The following PACRGL variants were observed in gnomAD, a reference collection of about 807,000 sequenced individuals.
PACRGL encodes parkin coregulated like.
PACRGL carries 38 observed loss-of-function variants against 34.5 expected under a neutral mutation model. The ratio of observed to expected loss-of-function variants is 1.10; its 90% CI spans 0.85 to 1.44. The LOEUF (loss-of-function observed/expected upper bound fraction) is 1.44, where lower values mean the gene tolerates loss of function less well. Among genes scored for constraint, PACRGL ranks in the 40% most tolerant of loss-of-function variants. The probability of loss-of-function intolerance (pLI) is 0.00; values close to 1 mark genes in which losing one functional copy is unlikely to be tolerated. For missense variants in PACRGL, 305 were observed against 281.4 expected, an observed-to-expected ratio of 1.08 and a Z score of -0.60; for synonymous variants, 128 against 100.1, an observed-to-expected ratio of 1.28 and a Z score of -1.66.
the PACRGL span, among the ~76,000 whole-genome samples, chr4:20,758,500 A>T: frequency 1.6e-4 from 24 of 152,266 alleles, no homozygotes; most frequent in Admixed American, 2.6e-4. Flanking sequence ...ATCAAGTGAG[A>T]CCTACAATGC....
chr4:20,748,390 T>A, intron 8 of PACRGL, among the ~76,000 whole-genome samples: 1 of 151,868 alleles, frequency 6.6e-6, no homozygotes, highest in Non-Finnish European at 1.5e-5. Context: ...AGACAGTCCA[T>A]CAGTTGCACT....
At chr4:20,709,345 T>A (rs1256102227) in intron 4 of PACRGL, among the ~76,000 whole-genome samples, 2 of 152,206 alleles carry the variant, frequency 1.3e-5, no homozygotes, top group Non-Finnish European at 2.9e-5. Context: ...TAATAATTAC[T>A]ATGTTTTGTT....
chr4:20,749,884 G>C (rs1753274349), intron 8 of PACRGL: 1 of 522,604 alleles, frequency 1.9e-6, no homozygotes, highest in Admixed American at 3.3e-5. Context: ...TCTTTCTGTA[G>C]AGGACTAGAG....
Position 20,728,204 on chromosome 4 carries a change from A to C in PACRGL, c.*863A>C, listed in dbSNP as rs2149223450. On this transcript the variant is annotated 3_prime_UTR_variant, in exon 9 of 9. Coordinates refer to ENST00000503585, the MANE Select transcript of PACRGL (RefSeq NM_001258345.3). ...TTTCTAATTCTGTAAATTCTATTACAAGTATGTTGTTTATTACAACTCATT... is the reference window on the plus strand; with the variant it reads ...TTTCTAATTCTGTAAATTCTATTACCAGTATGTTGTTTATTACAACTCATT... The C allele has an allele frequency of 6.6e-6, 1 of 152,278 alleles. No homozygotes were observed. 9.4% of individuals were successfully genotyped at this position (152,278 alleles called of 1,614,324 possible).
In PACRGL at chr4:20,731,769, G is replaced by A; in HGVS notation, c.*4428G>A. 1 of 985,386 alleles carries A rather than the reference G, an allele frequency of 1.0e-6. No homozygotes were observed. The highest frequency in any genetic ancestry group is 4.7e-5 in the South Asian group (1 of 21,286). The allele number at this position is 985,386 out of a possible 1,614,324, so 61.0% of individuals were successfully genotyped here. On this transcript the variant is annotated 3_prime_UTR_variant, in exon 9 of 9. Coordinates refer to ENST00000503585, the MANE Select transcript of PACRGL (RefSeq NM_001258345.3). ...GAATTTGGGAATCAACACAGTACAT[G>A]TACAACTTTTGTATCCCCAGGGTTT... is the stretch of plus-strand genomic sequence containing the variant.
chr4:20,722,415 C>G (rs1393528913), intron 7 of PACRGL, among the ~76,000 whole-genome samples: 1 of 152,222 alleles, frequency 6.6e-6, no homozygotes, highest in Non-Finnish European at 1.5e-5. Context: ...TTTTGCGTCA[C>G]TCACGCTGGG....
At chr4:20,740,943 A>G (rs552563261) in intron 8 of PACRGL, among the ~76,000 whole-genome samples, 33 of 152,264 alleles carry the variant, frequency 2.2e-4, no homozygotes, top group Non-Finnish European at 4.6e-4. Context: ...TAAAACAGAC[A>G]TTAAACCAAC....
At chr4:20,757,965 C>T in the PACRGL span, among the ~76,000 whole-genome samples, 51 of 152,270 alleles carry the variant, frequency 3.3e-4, no homozygotes, top group African/African-American at 1.2e-3. Flanking sequence ...TATTTTTTAA[C>T]TCCCATAATC....
At chr4:20,743,339 T>G (rs1176410596) in intron 8 of PACRGL, among the ~76,000 whole-genome samples, 1 of 152,158 alleles carries the variant, frequency 6.6e-6, no homozygotes, top group Admixed American at 6.5e-5. Flanking sequence ...AGAACAAAGC[T>G]GGAGACATCA....
chr4:20,734,431 T>A (rs73110230), downstream of PACRGL, among the ~76,000 whole-genome samples: 1,483 of 152,328 alleles, frequency 9.7e-3, 16 homozygotes, highest in African/African-American at 0.033. Context: ...AATCTTTATG[T>A]GTTATATATT....
chr4:20,761,593 G>C, the PACRGL span, among the ~76,000 whole-genome samples: 1 of 152,186 alleles, frequency 6.6e-6, no homozygotes, highest in African/African-American at 2.4e-5. Context: ...CTTGTGCAAA[G>C]TTAGAGCTGG....
In PACRGL at chr4:20,731,959, G is replaced by A; in HGVS notation, c.*4618G>A. ...TAGCTAGCTGCTAATACTCAGTTTA[G>A]CTGTTATGATAGCTGAATTGATAGT... On this transcript the variant is annotated 3_prime_UTR_variant, in exon 9 of 9. Coordinates refer to ENST00000503585, the MANE Select transcript of PACRGL (RefSeq NM_001258345.3). The A allele has an allele frequency of 6.2e-7, 1 of 1,608,900 alleles. No individual in the cohort carries two copies. Among genetic ancestry groups the A allele is most frequent in the Non-Finnish European group, 8.5e-7 (1 of 1,178,012 alleles).
At chr4:20,721,758 G>T (rs1418891356) in intron 7 of PACRGL, among the ~76,000 whole-genome samples, 1 of 152,186 alleles carries the variant, frequency 6.6e-6, no homozygotes, top group Non-Finnish European at 1.5e-5. Context: ...TCTCAGTTAG[G>T]CTACTCACGG....
Position 20,729,899 on chromosome 4 carries a change from G to A in PACRGL, c.*2558G>A. ...CCTGAACTCAGTGGCATTATGAAAAGGATGCAAATTTATAACTGAAAGCTC... is the reference window on the plus strand; with the variant it reads ...CCTGAACTCAGTGGCATTATGAAAAAGATGCAAATTTATAACTGAAAGCTC... On this transcript the variant is annotated 3_prime_UTR_variant, in exon 9 of 9. Transcript: ENST00000503585. The A allele has an allele frequency of 1.8e-6, 1 of 567,540 alleles. No homozygotes were observed. The highest frequency in any genetic ancestry group is 2.9e-6 in the Non-Finnish European group (1 of 350,730). 35.2% of individuals were successfully genotyped at this position (567,540 alleles called of 1,614,324 possible). A position where few individuals can be genotyped will look rare whatever the true frequency, so the allele number is the denominator to read the frequency against.
intron 7 of PACRGL, among the ~76,000 whole-genome samples, chr4:20,722,041 A>T (rs1030386056): frequency 2.6e-5 from 4 of 152,188 alleles, no homozygotes; most frequent in African/African-American, 9.6e-5. Flanking sequence ...CCCCTCTCCC[A>T]GCCTTGCTGC....
At chr4:20,735,776 C>T (rs912871184), downstream of PACRGL, among the ~76,000 whole-genome samples, 1 of 152,046 alleles carries the variant, frequency 6.6e-6, no homozygotes, top group Non-Finnish European at 1.5e-5. Flanking sequence ...ACCTTGTGAT[C>T]TGCCCACCGC....
chr4:20,749,739 T>A, intron 8 of PACRGL: 1 of 1,593,522 alleles, frequency 6.3e-7, no homozygotes, highest in Non-Finnish European at 8.6e-7. Context: ...GAGTCTGAAA[T>A]GGTAAAAAGG....
At chr4:20,749,608 T>G (rs369759324) in intron 8 of PACRGL, 31 of 1,276,514 alleles carry the variant, frequency 2.4e-5, no homozygotes, top group Middle Eastern at 2.3e-4. Flanking sequence ...ATTTTCCCCC[T>G]AAAAAGACTA....
At position 20,741,300 on chromosome 4, in the gene PACRGL, A is replaced by T. The variant is rs563798485; in HGVS notation, c.*57-11265A>T. Among the ~76,000 whole-genome samples the T allele has an allele frequency of 3.3e-5, 5 of 152,328 alleles. No homozygotes were observed. In the East Asian group the frequency reaches 9.6e-4, roughly 29 times the overall value. On this transcript the variant is annotated intron_variant, in intron 8 of 8. Transcript: ENST00000507634. Reference sequence around the variant, plus strand: ...TCAGCACTACGTCACACTTATTCCAAAATTGACCACATAGTTGGAAGTAAA... The same window carrying T: ...TCAGCACTACGTCACACTTATTCCATAATTGACCACATAGTTGGAAGTAAA...
Sources: allele counts gnomAD v4.1 joint callset (sites outside exome capture counted in the v4.1 genomes callset), GRCh38; gene constraint gnomAD v4.1.1; transcripts MANE v1.5; gene names NCBI Gene and HGNC (gene_info 2026-07-23, HGNC 2026-07-21).